KCNMA1: variants seen among roughly 807,000 people sequenced by gnomAD.
KCNMA1 encodes Calcium-activated potassium channel subunit alpha-1.
A neutral mutation model predicts 140.0 loss-of-function variants in KCNMA1; 29 were observed. The observed-to-expected ratio is 0.21, with a 90% confidence interval of 0.15 to 0.28. The LOEUF (loss-of-function observed/expected upper bound fraction) is 0.28, where lower values mean the gene tolerates loss of function less well. KCNMA1 is among the 10% of genes least tolerant of loss of function. The pLI is 1.00. For synonymous variants in KCNMA1, 612 were observed against 611.9 expected, an observed-to-expected ratio of 1.00 and a Z score of 0.00; for missense variants, 880 against 1,602.2, an observed-to-expected ratio of 0.55 and a Z score of 7.70.
intron 2 of KCNMA1, among the ~76,000 whole-genome samples, chr10:77,297,397 G>A (rs2154325385): frequency 6.6e-6 from 1 of 152,268 alleles, no homozygotes; most frequent in Middle Eastern, 3.4e-3. Flanking sequence ...AAGCCTCAAT[G>A]GAAATTTTAC....
chr10:77,064,593 G>T (rs1348065665), intron 14 of KCNMA1, among the ~76,000 whole-genome samples: 1 of 152,152 alleles, frequency 6.6e-6, no homozygotes, highest in Non-Finnish European at 1.5e-5. Context: ...ATAGCTCATG[G>T]ATTACTTCTC....
chr10:77,229,446 A>G (rs1459764922), intron 3 of KCNMA1, among the ~76,000 whole-genome samples: 1 of 152,016 alleles, frequency 6.6e-6, no homozygotes, highest in Non-Finnish European at 1.5e-5. Context: ...CTCTGTTTCT[A>G]TCCATAATTG....
chr10:77,052,568 G>A lies in KCNMA1; in HGVS notation c.1750-12931C>T, dbSNP rs184380239. ...TACTCACTTCCAGCCTTGCCTCCAC[G>A]ACTGATTTTGAATGGATACCTAGCA... On this transcript the variant is annotated intron_variant, in intron 14 of 27. Transcript: ENST00000286628. 3.3e-5 allele frequency among the ~76,000 whole-genome samples: 5 copies of A among 149,600 alleles called. No individual in the cohort carries two copies. In the South Asian group the frequency reaches 6.3e-4, roughly 19 times the overall value.
intron 23 of KCNMA1, among the ~76,000 whole-genome samples, chr10:76,916,039 CACACACAT>C (rs931324571): frequency 2.0e-5 from 3 of 151,498 alleles, no homozygotes; most frequent in African/African-American, 7.3e-5. Context: ...CACACACACA[CACACACAT>C]ACACAAATGT....
At chr10:77,287,935 G>C (rs2071624912) in intron 2 of KCNMA1, among the ~76,000 whole-genome samples, 1 of 152,210 alleles carries the variant, frequency 6.6e-6, no homozygotes, top group Non-Finnish European at 1.5e-5. Context: ...TTGATGGAAA[G>C]GGCAAACACC....
chr10:77,628,408 C>G (rs1006555849), intron 1 of KCNMA1, among the ~76,000 whole-genome samples: 1 of 152,192 alleles, frequency 6.6e-6, no homozygotes, highest in African/African-American at 2.4e-5. Context: ...GTAATCCCAG[C>G]ACTTTGGGAG....
intron 19 of KCNMA1, chr10:76,979,427 A>C (rs2153225461): frequency 6.6e-6 from 1 of 152,148 alleles, no homozygotes; most frequent in Non-Finnish European, 1.5e-5. Flanking sequence ...TTGGGGTGAA[A>C]GTTTTTATTT....
chr10:77,497,143 A>G (rs2042248901), intron 1 of KCNMA1, among the ~76,000 whole-genome samples: 1 of 152,170 alleles, frequency 6.6e-6, no homozygotes, highest in South Asian at 2.1e-4. Context: ...TTTTTGTCTG[A>G]GCTCCCACTG....
chr10:77,531,226 G>A (rs933033593), intron 1 of KCNMA1, among the ~76,000 whole-genome samples: 2 of 152,204 alleles, frequency 1.3e-5, no homozygotes, highest in African/African-American at 4.8e-5. Context: ...GCAGATGGGG[G>A]TGAATGAAAG....
rs374819035 is a variant in KCNMA1 at position 77,412,752 on chromosome 10, T to G, written c.379-8729A>C. ...CATTGAGCAATTTCACCTATTATGG[T>G]TCTGTGCTAGACTGCATCTGAGTGA... On this transcript the variant is annotated intron_variant, in intron 1 of 27. Transcript: ENST00000286628. 7.2e-5 allele frequency among the ~76,000 whole-genome samples: 11 copies of G among 152,332 alleles called. No individual in the cohort carries two copies. The East Asian group carries it at 1.7e-3, about 24-fold the overall frequency.
At chr10:77,612,852 C>A (rs2154568287) in intron 1 of KCNMA1, among the ~76,000 whole-genome samples, 1 of 152,264 alleles carries the variant, frequency 6.6e-6, no homozygotes, top group African/African-American at 2.4e-5. Context: ...TGAACAATCC[C>A]CTCTAAGCCA....
At chr10:77,624,645 C>A (rs2092186126) in intron 1 of KCNMA1, among the ~76,000 whole-genome samples, 1 of 152,020 alleles carries the variant, frequency 6.6e-6, no homozygotes, top group Non-Finnish European at 1.5e-5. Context: ...TAAGAAATGG[C>A]TTTATATTGA....
chr10:77,003,277 G>C (rs952176741), intron 18 of KCNMA1, among the ~76,000 whole-genome samples: 2 of 151,560 alleles, frequency 1.3e-5, no homozygotes, highest in African/African-American at 4.9e-5. Context: ...TTCAATGGTG[G>C]TATATCATTC....
At chr10:76,927,198 G>A (rs922111760) in intron 23 of KCNMA1, among the ~76,000 whole-genome samples, 1 of 152,132 alleles carries the variant, frequency 6.6e-6, no homozygotes, top group African/African-American at 2.4e-5. Context: ...TGTACATCCA[G>A]ATTTTTTTGA....
intron 5 of KCNMA1, among the ~76,000 whole-genome samples, chr10:77,176,420 C>T (rs1239237294): frequency 6.6e-6 from 1 of 152,110 alleles, no homozygotes; most frequent in East Asian, 1.9e-4. Context: ...CAACAGACAA[C>T]AGGCAAGTCT....
At chr10:77,444,273 T>C (rs980934529) in intron 1 of KCNMA1, among the ~76,000 whole-genome samples, 5 of 152,340 alleles carry the variant, frequency 3.3e-5, no homozygotes, top group Admixed American at 2.0e-4. Flanking sequence ...ACAAAATTAC[T>C]GCAGTGACTT....
At chr10:77,522,306 C>A (rs1452037536) in intron 1 of KCNMA1, among the ~76,000 whole-genome samples, 1 of 152,054 alleles carries the variant, frequency 6.6e-6, no homozygotes, top group Admixed American at 6.5e-5. Context: ...GGGAAGGGGT[C>A]CTGCAATGGG....
chr10:77,494,557 G>A (rs2041176558), intron 1 of KCNMA1, among the ~76,000 whole-genome samples: 1 of 152,214 alleles, frequency 6.6e-6, no homozygotes, highest in Non-Finnish European at 1.5e-5. Flanking sequence ...TTGCAGCCCA[G>A]AGAGCACCTT....
chr10:77,414,283 C>CG (rs2096685312), intron 1 of KCNMA1, among the ~76,000 whole-genome samples: 2 of 152,076 alleles, frequency 1.3e-5, no homozygotes, highest in East Asian at 1.9e-4. Context: ...TTCCCTCCCC[C>CG]GGGAAATGCT....
Sources: gnomAD v4.1 joint callset for allele counts (sites outside exome capture counted in the v4.1 genomes callset) on GRCh38, gnomAD v4.1.1 for gene constraint, MANE v1.5 for transcripts, NCBI Gene and HGNC (gene_info 2026-07-23, HGNC 2026-07-21) for gene names.